PTPRR: variants seen among roughly 807,000 people sequenced by gnomAD.
PTPRR encodes protein tyrosine phosphatase receptor type R, also known as receptor-type tyrosine-protein phosphatase R.
In PTPRR, 38 loss-of-function variants were observed where a neutral mutation model predicts 77.2. That is an observed-to-expected ratio of 0.49 (90% CI 0.38 to 0.65). PTPRR has a LOEUF of 0.65. Among genes scored for constraint, PTPRR ranks in the 30% least tolerant of loss-of-function variants. The probability of loss-of-function intolerance (pLI) is 0.00; values close to 1 mark genes in which losing one functional copy is unlikely to be tolerated. For synonymous variants in PTPRR, 299 were observed against 283.1 expected (o/e 1.06, Z -0.57); for missense variants, 744 against 799.2 (o/e 0.93, Z 0.83).
chr12:70,801,189 C>A (rs1409700111), intron 2 of PTPRR, among the ~76,000 whole-genome samples: 1 of 152,168 alleles, frequency 6.6e-6, no homozygotes, highest in Admixed American at 6.5e-5. Context: ...TGTTGTTCAG[C>A]ATTCTTAGTT....
intron 12 of PTPRR, among the ~76,000 whole-genome samples, chr12:70,658,140 G>A (rs7966069): frequency 0.4 from 60,328 of 152,026 alleles, 14,734 homozygotes; most frequent in African/African-American, 0.67. Context: ...CTTCCCTCCC[G>A]TGTGCCATGA....
chr12:70,726,424 A>G (rs993101063), intron 6 of PTPRR, among the ~76,000 whole-genome samples: 1 of 152,090 alleles, frequency 6.6e-6, no homozygotes, highest in Non-Finnish European at 1.5e-5. Context: ...TCCTGCAGCC[A>G]TGGTTTTCCT....
intron 2 of PTPRR, among the ~76,000 whole-genome samples, chr12:70,817,076 A>G (rs1247303895): frequency 3.9e-5 from 6 of 152,180 alleles, no homozygotes; most frequent in Non-Finnish European, 2.9e-5. Context: ...TGGGTGAACA[A>G]ATGAATGAAT....
chr12:70,749,118 G>A (rs1284421654), intron 5 of PTPRR, among the ~76,000 whole-genome samples: 1 of 152,040 alleles, frequency 6.6e-6, no homozygotes, highest in Non-Finnish European at 1.5e-5. Context: ...TTTGTGGCCA[G>A]AAATATATGT....
chr12:70,773,517 G>A (rs1891025254), intron 2 of PTPRR, among the ~76,000 whole-genome samples: 1 of 152,180 alleles, frequency 6.6e-6, no homozygotes, highest in African/African-American at 2.4e-5. Context: ...GGGAGGCTGG[G>A]AAGGTCCATT....
At chr12:70,679,809 T>C (rs1887589845) in intron 10 of PTPRR, among the ~76,000 whole-genome samples, 1 of 152,166 alleles carries the variant, frequency 6.6e-6, no homozygotes, top group Non-Finnish European at 1.5e-5. Context: ...ATAGACGTCA[T>C]ATAGGTGAGT....
chr12:70,868,501 C>A (rs1286250664), intron 2 of PTPRR, among the ~76,000 whole-genome samples: 8 of 152,084 alleles, frequency 5.3e-5, no homozygotes, highest in African/African-American at 1.9e-4. Context: ...CATCTCACAC[C>A]AGTTAGAATG....
intron 13 of PTPRR, among the ~76,000 whole-genome samples, 173 bp downstream of exon 13, chr12:70,656,531 A>T (rs1222293454): frequency 6.6e-6 from 1 of 152,190 alleles, no homozygotes; most frequent in Non-Finnish European, 1.5e-5. Context: ...CTTGTCTCAA[A>T]AAAGAGAGAA....
intron 7 of PTPRR, among the ~76,000 whole-genome samples, chr12:70,699,316 T>G (rs918626870): frequency 1.3e-5 from 2 of 152,348 alleles, no homozygotes; most frequent in African/African-American, 4.8e-5. Context: ...TAATATTGAT[T>G]GAAATAGAAG....
At chr12:70,647,765 A>C (rs1278338317) in intron 13 of PTPRR, among the ~76,000 whole-genome samples, 2 of 152,204 alleles carry the variant, frequency 1.3e-5, no homozygotes, top group Non-Finnish European at 2.9e-5. Flanking sequence ...TTTTTCAACT[A>C]TAATTTTAAA....
intron 2 of PTPRR, chr12:70,788,961 AG>A: frequency 7.9e-7 from 1 of 1,271,106 alleles, no homozygotes; most frequent in South Asian, 1.6e-5. Context: ...AGTCACCTGG[AG>A]GTAACCGCCT....
At chr12:70,780,999 T>C (rs774443591) in intron 2 of PTPRR, among the ~76,000 whole-genome samples, 2 of 152,234 alleles carry the variant, frequency 1.3e-5, no homozygotes, top group Admixed American at 6.5e-5. Context: ...CATTGCTGCC[T>C]GTGACTGGTG....
intron 2 of PTPRR, among the ~76,000 whole-genome samples, chr12:70,773,055 T>G (rs974108679): frequency 1.3e-5 from 2 of 152,056 alleles, no homozygotes; most frequent in African/African-American, 4.8e-5. Context: ...TACAGATATA[T>G]TACTCTAATC....
intron 2 of PTPRR, among the ~76,000 whole-genome samples, chr12:70,774,516 CAACTA>C (rs1273088697): frequency 1.3e-5 from 2 of 152,162 alleles, no homozygotes; most frequent in Non-Finnish European, 2.9e-5. Context: ...TTAGACTACC[CAACTA>C]TAGTGAAGAA....
chr12:70,777,828 T>A (rs1405271687), intron 2 of PTPRR, among the ~76,000 whole-genome samples: 1 of 152,216 alleles, frequency 6.6e-6, no homozygotes, highest in East Asian at 1.9e-4. Context: ...GAAACCCACA[T>A]TAAATAGTGA....
intron 11 of PTPRR, among the ~76,000 whole-genome samples, chr12:70,662,006 G>A (rs75031829): frequency 2.0e-5 from 3 of 152,112 alleles, no homozygotes; most frequent in Admixed American, 6.5e-5. Context: ...ACATAATCTC[G>A]TCTGGGGAAA....
At chr12:70,686,801 T>C (rs552805303) in intron 8 of PTPRR, among the ~76,000 whole-genome samples, 50 of 152,186 alleles carry the variant, frequency 3.3e-4, no homozygotes, top group African/African-American at 7.9e-4. Context: ...AACAACTCAA[T>C]TGAAATCTCA....
chr12:70,861,435 G>A (rs746605993), intron 2 of PTPRR, among the ~76,000 whole-genome samples: 1 of 152,126 alleles, frequency 6.6e-6, no homozygotes, highest in Non-Finnish European at 1.5e-5. Context: ...GTAAAGTTGA[G>A]TTTGAGAACT....
chr12:70,641,161 C>A (rs745794417), intron 13 of PTPRR, among the ~76,000 whole-genome samples: 1 of 152,162 alleles, frequency 6.6e-6, no homozygotes, highest in African/African-American at 2.4e-5. Flanking sequence ...TGGGAGACAC[C>A]ACCACAGTAA....
Sources: gnomAD v4.1 joint callset for allele counts (sites outside exome capture counted in the v4.1 genomes callset) on GRCh38, gnomAD v4.1.1 for gene constraint, MANE v1.5 for transcripts, NCBI Gene and HGNC (gene_info 2026-07-23, HGNC 2026-07-21) for gene names.